Variants in CWF19L2 observed in about 807,000 individuals in gnomAD.
CWF19L2 encodes CWF19 like cell cycle control factor 2.
Under a neutral mutation model 111.7 loss-of-function variants are expected in CWF19L2, and 98 were observed. The observed-to-expected ratio is 0.88, with a 90% CI of 0.75 to 1.04. The LOEUF (loss-of-function observed/expected upper bound fraction) is 1.04. Among genes scored for constraint, CWF19L2 ranks in the 50% least tolerant of loss-of-function variants. CWF19L2 has a pLI of 0.00. For synonymous variants in CWF19L2, 351 were observed against 342.9 expected (o/e 1.02, Z -0.26); for missense variants, 1,101 against 1,051.4 (o/e 1.05, Z -0.65).
intron 12 of CWF19L2, among the ~76,000 whole-genome samples, chr11:107,380,242 A>T (rs970212699): frequency 6.6e-6 from 1 of 152,142 alleles, no homozygotes; most frequent in African/African-American, 2.4e-5. Flanking sequence ...TTACAAAACC[A>T]TTTCAAATTT....
At chr11:107,385,898 CCTTA>C (rs895864643) in intron 12 of CWF19L2, among the ~76,000 whole-genome samples, 3 of 152,106 alleles carry the variant, frequency 2.0e-5, no homozygotes, top group Non-Finnish European at 4.4e-5. Flanking sequence ...TTCAAGTAAC[CCTTA>C]TTTTACTTAA....
Position 107,439,156 on chromosome 11 carries a change from G to T in CWF19L2, c.598C>A (p.Pro200Thr). The T allele has an allele frequency of 1.9e-6, 3 of 1,608,886 alleles. No individual in the cohort carries two copies. Among genetic ancestry groups the T allele is most frequent in the Non-Finnish European group, 2.5e-6 (3 of 1,176,808 alleles). ...CCTGTCCCACCATCCTTCCAGTACG[G>T]ATTCAATTCTCTTTCCATCAGTTTG... ...QSKLMERELNPYWKDGGTGLP... is the reference protein window; with the variant it reads ...QSKLMERELNTYWKDGGTGLP... Residue 200 changes from proline to threonine, a missense_variant, in exon 6 of 18, where the codon CCG becomes ACG. Coordinates refer to ENST00000282251, the MANE Select transcript of CWF19L2 (RefSeq NM_152434.3).
intron 3 of CWF19L2, among the ~76,000 whole-genome samples, chr11:107,448,863 A>T (rs745340181): frequency 1.3e-5 from 2 of 152,158 alleles, no homozygotes; most frequent in Admixed American, 6.5e-5. Context: ...CTAGCCTCCC[A>T]AACTGTGAGA....
chr11:107,434,681 A>AG (rs1861515491), intron 6 of CWF19L2, among the ~76,000 whole-genome samples: 2 of 101,698 alleles, frequency 2.0e-5, no homozygotes, highest in Admixed American at 9.2e-5. Flanking sequence ...GCAAAAAAAA[A>AG]AAAAAAAAGA....
chr11:107,401,011 A>C (rs1316505359), intron 10 of CWF19L2, among the ~76,000 whole-genome samples: 1 of 152,348 alleles, frequency 6.6e-6, no homozygotes, highest in Non-Finnish European at 1.5e-5. Flanking sequence ...GACAAAATCC[A>C]GCATCCCTAT....
intron 6 of CWF19L2, among the ~76,000 whole-genome samples, chr11:107,437,560 CAG>C (rs1452581892): frequency 2.0e-5 from 3 of 152,146 alleles, no homozygotes; most frequent in African/African-American, 7.2e-5. Context: ...CTCAGAAAGA[CAG>C]AAGCTTTCTG....
intron 10 of CWF19L2, among the ~76,000 whole-genome samples, chr11:107,405,475 T>G (rs510743): frequency 0.82 from 125,310 of 152,096 alleles, 52,159 homozygotes; most frequent in African/African-American, 0.95. Flanking sequence ...TGGTAACAAT[T>G]AGGGTAAGAG....
At chr11:107,400,578 T>C (rs1437799726) in intron 10 of CWF19L2, among the ~76,000 whole-genome samples, 2 of 151,746 alleles carry the variant, frequency 1.3e-5, no homozygotes, top group Admixed American at 6.6e-5. Context: ...AATTTAAAAA[T>C]TAACAACAAA....
chr11:107,326,825 A>T lies in CWF19L2; in HGVS notation c.*85T>A. 8.6e-7 allele frequency: 1 copy of T among 1,162,932 alleles called. No individual in the cohort carries two copies. The highest frequency in any genetic ancestry group is 1.6e-5 in the African/African-American group (1 of 63,480). The allele number at this position is 1,162,932 out of a possible 1,614,324, so 72.0% of individuals were successfully genotyped here. On this transcript the variant is annotated 3_prime_UTR_variant, in exon 18 of 18. Transcript: ENST00000282251. ...GCTGCTGTGACTCTCTCTGCCTGTG[A>T]CCTGAGGGTCAGTTGCTTCATTAGA... is the stretch of plus-strand genomic sequence containing the variant.
chr11:107,411,988 G>C (rs1196525619), intron 10 of CWF19L2, among the ~76,000 whole-genome samples: 1 of 152,144 alleles, frequency 6.6e-6, no homozygotes, highest in African/African-American at 2.4e-5. Flanking sequence ...TGTGCTACCA[G>C]GCTGTGGAAC....
intron 10 of CWF19L2, among the ~76,000 whole-genome samples, chr11:107,415,837 T>C (rs1038454650): frequency 2.0e-5 from 3 of 152,122 alleles, no homozygotes; most frequent in African/African-American, 7.2e-5. Flanking sequence ...GTAACTCGCA[T>C]CTGTAATCTC....
At chr11:107,425,044 C>T (rs1342283544) in intron 8 of CWF19L2, among the ~76,000 whole-genome samples, 1 of 151,728 alleles carries the variant, frequency 6.6e-6, no homozygotes, top group Non-Finnish European at 1.5e-5. Context: ...ATGACACCTG[C>T]AATTATCCTG....
At chr11:107,350,595 A>C (rs1175328611) in intron 13 of CWF19L2, among the ~76,000 whole-genome samples, 1 of 152,174 alleles carries the variant, frequency 6.6e-6, no homozygotes, top group East Asian at 1.9e-4. Context: ...AACTAGCTTC[A>C]ATAAATTTCT....
At chr11:107,332,786 C>T (rs930284388) in intron 16 of CWF19L2, among the ~76,000 whole-genome samples, 1 of 151,976 alleles carries the variant, frequency 6.6e-6, no homozygotes, top group Non-Finnish European at 1.5e-5. Flanking sequence ...TACTTATGTA[C>T]TCTTCTCATT....
chr11:107,355,413 C>T (rs1251772702), intron 12 of CWF19L2, among the ~76,000 whole-genome samples: 3 of 50,694 alleles, frequency 5.9e-5, no homozygotes, highest in African/African-American at 3.8e-4. Flanking sequence ...GAAACTCCGT[C>T]TCAAAAAAAA....
In CWF19L2 at chr11:107,431,718, C is replaced by T. The variant is rs550462918; in HGVS notation, c.780+1916G>A. On this transcript the variant is annotated intron_variant, in intron 7 of 17. Transcript: ENST00000282251. The stretch of plus-strand genomic sequence containing the variant: ...GCTATCTGCATAATTTACTGAAAAC[C>T]ACAATAATTAGAAAAGTATGATACA... Among the ~76,000 whole-genome samples, 117 of 151,790 alleles carry T rather than the reference C, an allele frequency of 7.7e-4. 1 individual carries two copies. In the Middle Eastern group the frequency reaches 0.01, roughly 13 times the overall value.
At chr11:107,442,023 T>C (rs1278227976) in intron 4 of CWF19L2, among the ~76,000 whole-genome samples, 1 of 152,116 alleles carries the variant, frequency 6.6e-6, no homozygotes, top group Non-Finnish European at 1.5e-5. Flanking sequence ...ACTATTCAAC[T>C]GTTAAGTATT....
chr11:107,439,691 C>T (rs1374245364), intron 5 of CWF19L2, among the ~76,000 whole-genome samples: 1 of 152,224 alleles, frequency 6.6e-6, no homozygotes, highest in East Asian at 1.9e-4. Context: ...CTTAAAACAA[C>T]AGAGAAAGAG....
intron 12 of CWF19L2, among the ~76,000 whole-genome samples, chr11:107,360,587 T>C (rs950345378): frequency 6.6e-6 from 1 of 152,190 alleles, no homozygotes; most frequent in Non-Finnish European, 1.5e-5. Context: ...GCCGTACCAA[T>C]TTACATTCCC....
Sources: gnomAD v4.1 joint callset for allele counts (sites outside exome capture counted in the v4.1 genomes callset) on GRCh38, gnomAD v4.1.1 for gene constraint, MANE v1.5 for transcripts, NCBI Gene and HGNC (gene_info 2026-07-23, HGNC 2026-07-21) for gene names.